Variants in INSR observed in about 807,000 individuals in gnomAD.
INSR encodes the protein insulin receptor, also known as IR.
A neutral mutation model predicts 142.6 loss-of-function variants in INSR; 67 were observed. That is an observed-to-expected ratio of 0.47 (90% confidence interval 0.39 to 0.58). INSR has a LOEUF of 0.58. Ranked by LOEUF, INSR falls within the 20% of genes least tolerant of loss-of-function variation. The pLI is 0.00. For missense variants in INSR, 1,248 were observed against 1,833.2 expected, an observed-to-expected ratio of 0.68 and a Z score of 5.83; for synonymous variants, 756 against 743.1, an observed-to-expected ratio of 1.02 and a Z score of -0.28.
chr19:7,132,117 A>C, intron 14 of INSR, 41 bp downstream of exon 14: 1 of 1,612,330 alleles, frequency 6.2e-7, no homozygotes, highest in Non-Finnish European at 8.5e-7. Context: ...GCTCAGTGCT[A>C]AGCACAGCCC....
At chr19:7,141,509 C>T (rs1417749093) in intron 13 of INSR, 168 bp downstream of exon 13, 37 of 884,768 alleles carry the variant, frequency 4.2e-5, no homozygotes, top group Non-Finnish European at 6.0e-5. Context: ...GCATTTCTGA[C>T]CCATCTTCCT....
intron 9 of INSR, among the ~76,000 whole-genome samples, chr19:7,157,658 G>A (rs1450799678): frequency 2.0e-5 from 3 of 151,954 alleles, no homozygotes; most frequent in South Asian, 2.1e-4. Context: ...TTATGCCTCT[G>A]GTACAGCCAC....
chr19:7,198,137 G>T (rs113672028), intron 2 of INSR, among the ~76,000 whole-genome samples: 3,574 of 151,986 alleles, frequency 0.024, 60 homozygotes, highest in Middle Eastern at 0.041. Flanking sequence ...CGAGCCGGAG[G>T]CCTCAGCGCA....
chr19:7,232,682 C>A (rs1011519481), intron 2 of INSR, among the ~76,000 whole-genome samples: 1 of 151,736 alleles, frequency 6.6e-6, no homozygotes, highest in African/African-American at 2.4e-5. Context: ...TGGTGGCAGG[C>A]GCCTGTAGTC....
chr19:7,248,105 C>G (rs1976589325), intron 2 of INSR, among the ~76,000 whole-genome samples: 1 of 152,026 alleles, frequency 6.6e-6, no homozygotes, highest in Middle Eastern at 3.4e-3. Flanking sequence ...TCAAGACCAA[C>G]CTGGGCAACA....
rs1973311315 is a variant in INSR at position 7,150,512 on chromosome 19, C to G, written c.2252G>C (p.Gly751Ala). ...FVPRKTSSGTGAEDPRPSRKR... is the reference protein window; with the variant it reads ...FVPRKTSSGTAAEDPRPSRKR... Reference sequence around the variant, plus strand: ...TGAGTCATACCTAGGGTCCTCGGCACCAGTGCCTGAAGAGGTTTTTCTGTG... The same window carrying G: ...TGAGTCATACCTAGGGTCCTCGGCAGCAGTGCCTGAAGAGGTTTTTCTGTG... Residue 751 changes from glycine (G) to alanine (A), a missense_variant, in exon 11 of 22, where the codon GGT becomes GCT. This residue lies in a region of INSR where 1,069 missense variants were observed against 1,654.0 expected (regional missense o/e 0.65). Transcript: ENST00000302850. The surrounding 1 kb of genome is among the most constrained non-coding windows in gnomAD (Gnocchi z 4.2). 1 of 1,614,200 alleles carries G rather than the reference C, an allele frequency of 6.2e-7. No individual in the cohort carries two copies. Among genetic ancestry groups the G allele is most frequent in the Non-Finnish European group, 8.5e-7 (1 of 1,180,026 alleles).
chr19:7,250,452 G>T (rs929006149), intron 2 of INSR, among the ~76,000 whole-genome samples: 1 of 82,754 alleles, frequency 1.2e-5, no homozygotes, highest in Non-Finnish European at 3.2e-5. Context: ...AAAGAAGAAA[G>T]AAAAGGAAGA....
At chr19:7,134,558 A>G (rs1471204680) in intron 13 of INSR, among the ~76,000 whole-genome samples, 1 of 152,034 alleles carries the variant, frequency 6.6e-6, no homozygotes, top group African/African-American at 2.4e-5. Flanking sequence ...CGAGGTCAAG[A>G]GATTGAGACC....
chr19:7,204,505 G>A (rs933172739), intron 2 of INSR, among the ~76,000 whole-genome samples: 1 of 152,154 alleles, frequency 6.6e-6, no homozygotes, highest in Non-Finnish European at 1.5e-5. Flanking sequence ...AACATGTGAA[G>A]TTCTCTGATT....
chr19:7,197,296 C>G (rs1002350228), intron 2 of INSR, among the ~76,000 whole-genome samples: 1 of 152,022 alleles, frequency 6.6e-6, no homozygotes, highest in Non-Finnish European at 1.5e-5. Flanking sequence ...GCTTCGGGAG[C>G]CGCAGGCTTC....
chr19:7,162,903 AGTGT>A (rs60452030), intron 9 of INSR, 125 bp downstream of exon 9: 14 of 757,528 alleles, frequency 1.8e-5, no homozygotes, highest in Admixed American at 3.8e-5. Flanking sequence ...GATAGAATGG[AGTGT>A]GTGTGTGTGT....
intron 2 of INSR, among the ~76,000 whole-genome samples, chr19:7,218,146 G>A (rs985646407): frequency 2.0e-5 from 3 of 152,008 alleles, no homozygotes; most frequent in African/African-American, 7.2e-5. Context: ...ACAGGGGGAA[G>A]GGGAGAAATT....
At chr19:7,181,510 G>C (rs1974273630) in intron 3 of INSR, among the ~76,000 whole-genome samples, 1 of 151,328 alleles carries the variant, frequency 6.6e-6, no homozygotes, top group Non-Finnish European at 1.5e-5. Context: ...AAGCAGCACT[G>C]TGCTATTACA....
At chr19:7,269,875 T>C (rs967785777) in intron 1 of INSR, among the ~76,000 whole-genome samples, 2 of 152,166 alleles carry the variant, frequency 1.3e-5, no homozygotes, top group African/African-American at 4.8e-5. Context: ...TAATACCTTT[T>C]TGAGGATAAG....
chr19:7,136,150 T>A (rs1972919930), intron 13 of INSR, among the ~76,000 whole-genome samples: 1 of 152,048 alleles, frequency 6.6e-6, no homozygotes, highest in African/African-American at 2.4e-5. Flanking sequence ...TGCATCGTGG[T>A]CTTGATTTGC....
In INSR at chr19:7,114,026, C is replaced by T. The variant is rs1972263181; in HGVS notation, c.*3030G>A. The T allele has an allele frequency of 8.6e-6, 1 of 115,762 alleles. No homozygotes were observed. 7.2% of individuals were successfully genotyped at this position (115,762 alleles called of 1,614,324 possible). ...GCTTGAGGTCAGTCAAACCCCAACA[C>T]AGAGGTCCAAGGTGTTGTTGCAAAA... On this transcript the variant is annotated 3_prime_UTR_variant, in exon 22 of 22. Coordinates refer to ENST00000302850, the MANE Select transcript of INSR (RefSeq NM_000208.4).
chr19:7,186,305 C>T (rs1974429503), intron 2 of INSR, among the ~76,000 whole-genome samples: 2 of 152,140 alleles, frequency 1.3e-5, no homozygotes, highest in Admixed American at 1.3e-4. Context: ...CGGCCAAACT[C>T]AGGGAACAGA....
At chr19:7,218,160 AC>A (rs954373635) in intron 2 of INSR, among the ~76,000 whole-genome samples, 2 of 150,060 alleles carry the variant, frequency 1.3e-5, no homozygotes, top group African/African-American at 2.5e-5. Context: ...AGAAATTCTG[AC>A]CCCCCGGGGG....
Position 7,268,207 on chromosome 19 carries a change from G to A in INSR, c.101-311C>T, listed in dbSNP as rs140204110. 2.2e-3 allele frequency among the ~76,000 whole-genome samples: 331 copies of A among 152,258 alleles called. 2 individuals are homozygous for A. The highest frequency in any genetic ancestry group is 0.015 in the East Asian group (77 of 5,186). ...TACAGGGGATTGAGTAACGCGGCAG[G>A]TGCAGAAGGAGAAAGGGGAACTGTC... On this transcript the variant is annotated intron_variant, in intron 1 of 21. Transcript: ENST00000302850.
Sources: gnomAD v4.1 joint callset for allele counts (sites outside exome capture counted in the v4.1 genomes callset) on GRCh38, gnomAD v4.1.1 for gene constraint, gnomAD v4.1.1 regional missense constraint, Gnocchi (gnomAD v3.1) non-coding constraint, MANE v1.5 for transcripts, NCBI Gene and HGNC (gene_info 2026-07-23, HGNC 2026-07-21) for gene names.